Variants in BAIAP3 observed in about 807,000 individuals in gnomAD.
BAIAP3 encodes BAI1 associated protein 3, also known as BAI1-associated protein 3.
In BAIAP3, 180 loss-of-function variants were observed where a neutral mutation model predicts 149.7. The observed-to-expected ratio is 1.20, with a 90% CI of 1.07 to 1.36. The LOEUF (loss-of-function observed/expected upper bound fraction) is 1.36. Ranked by LOEUF, BAIAP3 falls within the 40% of genes most tolerant of loss-of-function variation. The pLI, the probability that BAIAP3 is intolerant of heterozygous loss-of-function variation, is 0.00. For synonymous variants in BAIAP3, 845 were observed against 670.7 expected (o/e 1.26, Z -4.02); for missense variants, 1,767 against 1,563.4 (o/e 1.13, Z -2.20).
chr16:1,346,514 A>C lies in BAIAP3; in HGVS notation c.2562+4A>C, dbSNP rs1471445699. 1 of 1,609,532 alleles carries C rather than the reference A, an allele frequency of 6.2e-7. No individual in the cohort carries two copies. The highest frequency in any genetic ancestry group is 2.2e-5 in the East Asian group (1 of 44,756). The stretch of plus-strand genomic sequence containing the variant: ...TGACTCCATCCAGAACGATGAGGTG[A>C]GTGCCGGGGCGAGGGGCCGTGGAGG... On this transcript the variant is annotated splice_donor_region_variant and intron_variant, in intron 26 of 33. Transcript: ENST00000426824.
chr16:1,343,206 C>T, intron 14 of BAIAP3, 187 bp from the exon 15 acceptor site: 3 of 1,112,548 alleles, frequency 2.7e-6, no homozygotes, highest in African/African-American at 1.6e-5. Flanking sequence ...GGTGAGGCAG[C>T]GAAAGGGGCG....
intron 10 of BAIAP3, 58 bp downstream of exon 10, chr16:1,342,121 C>G (rs2033963709): frequency 1.9e-6 from 3 of 1,568,440 alleles, no homozygotes; most frequent in East Asian, 2.3e-5. Flanking sequence ...GTCATGGGGC[C>G]CGGCGGGCAG....
Position 1,344,533 on chromosome 16 carries a change from T to G in BAIAP3, c.1659+8T>G. On this transcript the variant is annotated splice_region_variant and intron_variant, in intron 18 of 33. Coordinates refer to ENST00000426824, the MANE Select transcript of BAIAP3 (RefSeq NM_001199097.2). ...AAGAGTCCCCGAGAGCAGGTGCAGT[T>G]GTGGGGGACCCTGGCCATGAGGGGT... 1.2e-6 allele frequency: 2 copies of G among 1,612,798 alleles called. No homozygotes were observed.
chr16:1,343,498 A>G lies in BAIAP3; in HGVS notation c.1371A>G (p.Ser457=), dbSNP rs759165720. The change falls in exon 15 of 34, where the codon TCA becomes TCG. Residue 457 remains serine, a synonymous_variant. Transcript: ENST00000426824. ...AGGCACACTGGGAAGAGGCTCCTTC[A>G]CTGCCCCAGGAGCAGGTGGGTGCAG... ...DMQAHWEEAP[S]LPQEQEESLA... is the part of the protein sequence containing the mutation. 81 of 1,605,682 alleles carry G rather than the reference A, an allele frequency of 5.0e-5. No individual in the cohort carries two copies. Among genetic ancestry groups the G allele is most frequent in the Non-Finnish European group, 6.4e-5 (75 of 1,177,764 alleles).
rs777868343 is a variant in BAIAP3 at position 1,346,894 on chromosome 16, C to T, written c.2690C>T (p.Ala897Val). 47 of 1,605,930 alleles carry T rather than the reference C, an allele frequency of 2.9e-5. No homozygotes were observed. The East Asian group carries it at 6.5e-4, about 22-fold the overall frequency. The stretch of plus-strand genomic sequence containing the variant: ...CTACTCCTCCAGGCCATTCTGCAGG[C>T]GCTGGGTGCAAACCGTGACGTCTCT... The part of the protein sequence containing the change: ...WELLLQAILQ[A>V]LGANRDVSAD... Residue 897 changes from alanine to valine, a missense_variant, in exon 28 of 34, where the codon GCG becomes GTG. Ala to Val is a moderately conservative substitution (Grantham distance 64). Transcript: ENST00000426824.
chr16:1,348,020 G>A lies in BAIAP3; in HGVS notation c.3149+3G>A, dbSNP rs112608838. On this transcript the variant is annotated splice_donor_region_variant and intron_variant, in intron 32 of 33. Coordinates refer to ENST00000426824, the MANE Select transcript of BAIAP3 (RefSeq NM_001199097.2). Reference sequence around the variant, plus strand: ...GTATACGACGAACTCTTCTACTTGTGAGTGTCCTAAGCCCCAGCCCCAGCC... The same window carrying A: ...GTATACGACGAACTCTTCTACTTGTAAGTGTCCTAAGCCCCAGCCCCAGCC... 5.0e-6 allele frequency: 8 copies of A among 1,607,344 alleles called. No individual in the cohort carries two copies. The highest frequency in any genetic ancestry group is 6.8e-6 in the Non-Finnish European group (8 of 1,179,754).
At chr16:1,345,682 CGCCT>C in intron 22 of BAIAP3, 61 bp from the exon 23 acceptor site, 45 of 551,866 alleles carry the variant, frequency 8.2e-5, no homozygotes, top group South Asian at 1.7e-4. Context: ...CCACAACCCC[CGCCT>C]CCCCCACCTC....
rs375850730 is a variant in BAIAP3, at chr16:1,344,498, C to A, written c.1632C>A (p.Ile544=). ...KRGNREWYDR[I]LNDKSPREQP... is the part of the protein sequence containing the mutation. ...GCAACCGTGAGTGGTACGACAGGAT[C>A]CTGAATGACAAGAGTCCCCGAGAGC... The change falls in exon 18 of 34, where the codon ATC becomes ATA. Residue 544 remains isoleucine, a synonymous_variant. Coordinates refer to ENST00000426824, the MANE Select transcript of BAIAP3 (RefSeq NM_001199097.2). The A allele has an allele frequency of 5.0e-6, 8 of 1,613,356 alleles. No homozygotes were observed. Among genetic ancestry groups the A allele is most frequent in the South Asian group, 1.1e-5 (1 of 91,060 alleles).
At chr16:1,342,392 C>A in intron 11 of BAIAP3, 109 bp downstream of exon 11, 2 of 1,389,474 alleles carry the variant, frequency 1.4e-6, no homozygotes. Context: ...TTTGGGCCTC[C>A]ACTGAGTGCG....
Position 1,341,489 on chromosome 16 carries a change from T to C in BAIAP3, c.731T>C (p.Phe244Ser), listed in dbSNP as rs1481148013. The change falls in exon 8 of 34, where the codon TTC becomes TCC. Residue 244 changes from phenylalanine to serine, a missense_variant and splice_region_variant. Phe to Ser is a radical substitution (Grantham distance 155, BLOSUM62 -2). Transcript: ENST00000426824. ...CCCGTCTGGAAGGAGCACTTCCTCT[T>C]GTGAGGCCCTCGCCCGTCTGGGTGC... ...LNPVWKEHFL[F>S]EIEDVSTDQL... 6.2e-7 allele frequency: 1 copy of C among 1,605,884 alleles called. No homozygotes were observed. Among genetic ancestry groups the C allele is most frequent in the Admixed American group, 1.7e-5 (1 of 59,866 alleles).
chr16:1,346,644 G>C lies in BAIAP3; in HGVS notation c.2602G>C (p.Ala868Pro). The C allele has an allele frequency of 7.7e-7, 1 of 1,302,738 alleles. No individual in the cohort carries two copies. The highest frequency in any genetic ancestry group is 1.0e-6 in the Non-Finnish European group (1 of 997,356). 80.7% of individuals were successfully genotyped at this position (1,302,738 alleles called of 1,614,324 possible). The change falls in exon 27 of 34, where the codon GCC becomes CCC. Residue 868 changes from alanine to proline, a missense_variant. Physicochemically the swap from Ala to Pro is conservative, Grantham distance 27. Transcript: ENST00000426824. ...PLMKYLDEKL[A>P]LLNASLVKGN... ...CATGAAGTACCTGGATGAGAAGCTG[G>C]CCCTGCTGAACGCCTCGCTGGTGAA...
rs2141610783 is a variant in BAIAP3 at position 1,346,283 on chromosome 16, T to C, written c.2415T>C (p.Pro805=). 2 of 1,608,082 alleles carry C rather than the reference T, an allele frequency of 1.2e-6. No homozygotes were observed. The highest frequency in any genetic ancestry group is 2.2e-5 in the South Asian group (2 of 90,754). ...GGCCCGAGGGGGTGCTCCCCCGCCC[T>C]CTGCTCAGCTGCACACAGGCCCTGG... is the stretch of plus-strand genomic sequence containing the variant. ...ATGPEGVLPR[P]LLSCTQALDD... The change falls in exon 25 of 34, where the codon CCT becomes CCC. Residue 805 remains proline, a synonymous_variant. Transcript: ENST00000426824.
At position 1,337,872 on chromosome 16, in the gene BAIAP3, C is replaced by A. The variant is rs2033575545; in HGVS notation, c.-10-668C>A. ...GGCCCTGCTTTGTGGGGACACTGCC[C>A]CCCACCTTCTACTGTCCACCTCAGG... On this transcript the variant is annotated intron_variant, in intron 1 of 33. Coordinates refer to ENST00000426824, the MANE Select transcript of BAIAP3 (RefSeq NM_001199097.2). 2.0e-5 allele frequency among the ~76,000 whole-genome samples: 3 copies of A among 152,184 alleles called. No individual in the cohort carries two copies. The South Asian group carries it at 6.2e-4, about 32-fold the overall frequency.
chr16:1,342,327 C>T, intron 11 of BAIAP3, 44 bp downstream of exon 11: 1 of 1,585,052 alleles, frequency 6.3e-7, no homozygotes, highest in Non-Finnish European at 8.6e-7. Flanking sequence ...AGAGAAGGGC[C>T]TGGGGAGTGT....
In BAIAP3 at chr16:1,338,681, G is replaced by T; in HGVS notation, c.131+1G>T. The T allele has an allele frequency of 2.5e-6, 4 of 1,577,796 alleles. No individual in the cohort carries two copies. The South Asian group carries it at 3.4e-5, about 14-fold the overall frequency. ...CGCAGGAGCCTGCCACGGGGGCCTG[G>T]TGGGTGCCGAGGGGCCCAGCCCCAC... On this transcript the variant is annotated splice_donor_variant, in intron 2 of 33. Coordinates refer to ENST00000426824, the MANE Select transcript of BAIAP3 (RefSeq NM_001199097.2). LOFTEE classifies it high-confidence loss of function.
In BAIAP3 at chr16:1,345,010, C is replaced by T. The variant is rs746364318; in HGVS notation, c.1851C>T (p.Pro617=). The part of the protein sequence containing the change: ...EAWVLTEELS[P]KMTLEVASGL... ...GGGTGCTGACGGAGGAGCTGAGCCC[C>T]AAGATGACCCTGGAGGTGGCCTCGG... Residue 617 remains proline (P), a synonymous_variant, in exon 21 of 34, where the codon CCC becomes CCT. Coordinates refer to ENST00000426824, the MANE Select transcript of BAIAP3 (RefSeq NM_001199097.2). 1.2e-6 allele frequency: 2 copies of T among 1,612,716 alleles called. No homozygotes were observed. Among genetic ancestry groups the T allele is most frequent in the Non-Finnish European group, 1.7e-6 (2 of 1,179,986 alleles).
At chr16:1,340,163 C>A (rs12928565) in intron 5 of BAIAP3, among the ~76,000 whole-genome samples, 1 of 88,008 alleles carries the variant, frequency 1.1e-5, no homozygotes. Context: ...CACAGACACA[C>A]GCACACAGGC....
chr16:1,341,382 C>T lies in BAIAP3; in HGVS notation c.624C>T (p.Gly208=), dbSNP rs1387891686. 2 of 1,612,586 alleles carry T rather than the reference C, an allele frequency of 1.2e-6. No homozygotes were observed. Among genetic ancestry groups the T allele is most frequent in the South Asian group, 2.2e-5 (2 of 91,078 alleles). ...GTGCACAGAAGGAGCAGCGCTTCGGCTTCCGCAAGGGCAGCAAGCGCGGTG... is the reference window on the plus strand; with the variant it reads ...GTGCACAGAAGGAGCAGCGCTTCGGTTTCCGCAAGGGCAGCAAGCGCGGTG... ...EPRAQKEQRF[G]FRKGSKRGGP... Residue 208 remains glycine (G), a synonymous_variant, in exon 8 of 34, where the codon GGC becomes GGT. Coordinates refer to ENST00000426824, the MANE Select transcript of BAIAP3 (RefSeq NM_001199097.2).
At chr16:1,336,359 G>T in intron 1 of BAIAP3, 1 of 985,402 alleles carries the variant, frequency 1.0e-6, no homozygotes, top group African/African-American at 1.7e-5. Flanking sequence ...ATCTTTTGGG[G>T]GGGAGGCTCA....
Sources: gnomAD v4.1 joint callset for allele counts (sites outside exome capture counted in the v4.1 genomes callset) on GRCh38, gnomAD v4.1.1 for gene constraint, MANE v1.5 for transcripts, NCBI Gene and HGNC (gene_info 2026-07-23, HGNC 2026-07-21) for gene names.